CYFIP1: variants seen among roughly 807,000 people sequenced by gnomAD.
CYFIP1 encodes cytoplasmic FMR1 interacting protein 1, also known as cytoplasmic FMR1-interacting protein 1.
In CYFIP1, 58 loss-of-function variants were observed where a neutral mutation model predicts 163.5. The ratio of observed to expected loss-of-function variants is 0.35; its 90% CI spans 0.29 to 0.44. The LOEUF is 0.44. Among genes scored for constraint, CYFIP1 ranks in the 20% least tolerant of loss-of-function variants. CYFIP1 has a pLI of 1.00. For synonymous variants in CYFIP1, 663 were observed against 660.7 expected, an observed-to-expected ratio of 1.00 and a Z score of -0.05; for missense variants, 1,338 against 1,653.8, an observed-to-expected ratio of 0.81 and a Z score of 3.31.
At chr15:22,939,584 C>G in intron 6 of CYFIP1, 77 bp from the exon 7 acceptor site, 1 of 817,328 alleles carries the variant, frequency 1.2e-6, no homozygotes, top group African/African-American at 2.4e-5. Flanking sequence ...AAAAAAAAGC[C>G]TGGTTCGAGT....
intron 1 of CYFIP1, among the ~76,000 whole-genome samples, chr15:22,958,741 C>T (rs1748303301): frequency 6.6e-6 from 1 of 152,210 alleles, no homozygotes; most frequent in African/African-American, 2.4e-5. Flanking sequence ...TGTCACTCTC[C>T]TGCTCACGCT....
intron 1 of CYFIP1, among the ~76,000 whole-genome samples, chr15:22,975,932 T>C (rs2063259629): frequency 6.6e-6 from 1 of 152,132 alleles, no homozygotes; most frequent in African/African-American, 2.4e-5. Flanking sequence ...AGCATGCTAA[T>C]ATTTTTAAAT....
intron 13 of CYFIP1, among the ~76,000 whole-genome samples, chr15:22,924,001 G>C (rs1156368410): frequency 1.7e-4 from 25 of 148,140 alleles, no homozygotes; most frequent in Admixed American, 1.7e-3. Flanking sequence ...TCATAGTAGT[G>C]AAAAGGTAGA....
intron 1 of CYFIP1, among the ~76,000 whole-genome samples, chr15:22,959,319 C>T (rs996325845): frequency 6.6e-6 from 1 of 152,238 alleles, no homozygotes; most frequent in Non-Finnish European, 1.5e-5. Context: ...GACAGCGTTT[C>T]CCGCTCCACC....
rs1287484842 is a variant in CYFIP1, at chr15:22,873,554, C to A, written c.3386G>T (p.Arg1129Ile). 1.9e-6 allele frequency: 3 copies of A among 1,614,126 alleles called. No homozygotes were observed. Among genetic ancestry groups the A allele is most frequent in the African/African-American group, 2.7e-5 (2 of 74,948 alleles). The change falls in exon 29 of 31, where the codon AGA becomes ATA. Residue 1129 changes from arginine to isoleucine, a missense_variant. Physicochemically the swap from Arg to Ile is moderately conservative, Grantham distance 97. Coordinates refer to ENST00000617928, the MANE Select transcript of CYFIP1 (RefSeq NM_014608.6). ...MHVDECVEFH[R>I]LWSAMQFVYC... is the part of the protein sequence containing the mutation. ...GACAAACTGCATGGCACTCCACAGT[C>A]TGTGAAACTCCACACACTCGTCCAC... is the stretch of plus-strand genomic sequence containing the variant.
chr15:22,933,761 C>A (rs772743658), intron 10 of CYFIP1, 41 bp downstream of exon 10: 1 of 1,469,856 alleles, frequency 6.8e-7, no homozygotes, highest in Non-Finnish European at 9.5e-7. Flanking sequence ...AATGAGGACA[C>A]TGCCGAAAGC....
chr15:22,873,835 AG>A, intron 28 of CYFIP1, 106 bp from the exon 29 acceptor site: 1 of 1,037,498 alleles, frequency 9.6e-7, no homozygotes, highest in South Asian at 1.5e-5. Flanking sequence ...TCTGCTGCCT[AG>A]GCTGGAGTGC....
chr15:22,868,518 C>T lies in CYFIP1; in HGVS notation c.*1510G>A, dbSNP rs1306415401. The T allele has an allele frequency of 6.6e-6, 1 of 152,178 alleles. No homozygotes were observed. The highest frequency in any genetic ancestry group is 1.5e-5 in the Non-Finnish European group (1 of 68,038). The allele number at this position is 152,178 out of a possible 1,614,324, so 9.4% of individuals were successfully genotyped here. ...TATTCTGTAGTTTCTAAGATAAGCA[C>T]AGCTACCACCTCTAAATCTGCAGCA... On this transcript the variant is annotated 3_prime_UTR_variant, in exon 31 of 31. Transcript: ENST00000617928.
chr15:22,912,117 CAA>C lies in CYFIP1; in HGVS notation c.2082+60_2082+61del, dbSNP rs919478035. The stretch of plus-strand genomic sequence containing the variant: ...AGAAAGTTGAATACTTGGGAGAAAA[CAA>C]AAAGAGAAAGGAGATTTAATTGAAG... On this transcript the variant is annotated intron_variant, in intron 18 of 30. Coordinates refer to ENST00000617928, the MANE Select transcript of CYFIP1 (RefSeq NM_014608.6). The C allele has an allele frequency of 8.3e-6, 12 of 1,440,874 alleles. No homozygotes were observed. In the Admixed American group the frequency reaches 1.4e-4, roughly 17 times the overall value. The allele number at this position is 1,440,874 out of a possible 1,614,324, so 89.3% of individuals were successfully genotyped here. A position where few individuals can be genotyped will look rare whatever the true frequency, so the allele number is the denominator to read the frequency against.
chr15:22,969,865 A>T (rs965077366), intron 1 of CYFIP1, among the ~76,000 whole-genome samples: 4 of 152,226 alleles, frequency 2.6e-5, no homozygotes, highest in Admixed American at 1.3e-4. Context: ...CAATACTAAC[A>T]TTAGACAAGT....
intron 1 of CYFIP1, among the ~76,000 whole-genome samples, chr15:22,966,199 A>T (rs1355248240): frequency 6.6e-6 from 1 of 150,988 alleles, no homozygotes; most frequent in Non-Finnish European, 1.5e-5. Context: ...AAAAAAAAAT[A>T]CAAAATTAGC....
chr15:22,900,053 GT>G (rs2141995485), intron 22 of CYFIP1, among the ~76,000 whole-genome samples: 1 of 152,220 alleles, frequency 6.6e-6, no homozygotes, highest in African/African-American at 2.4e-5. Flanking sequence ...AAAAAGATAT[GT>G]TCAATCCTCA....
At chr15:22,885,722 G>C (rs546878075) in intron 23 of CYFIP1, among the ~76,000 whole-genome samples, 1 of 152,134 alleles carries the variant, frequency 6.6e-6, no homozygotes, top group African/African-American at 2.4e-5. Flanking sequence ...AACAGGGTGA[G>C]ACTCCATTTC....
chr15:22,971,437 C>G, intron 1 of CYFIP1, among the ~76,000 whole-genome samples: 1 of 152,114 alleles, frequency 6.6e-6, no homozygotes, highest in East Asian at 1.9e-4. Flanking sequence ...CTTTGGGAGG[C>G]CAAGGCAGGC....
intron 18 of CYFIP1, among the ~76,000 whole-genome samples, chr15:22,911,778 C>T (rs2060795766): frequency 3.3e-5 from 5 of 152,196 alleles, no homozygotes; most frequent in Admixed American, 3.3e-4. Context: ...TGTGCATACA[C>T]TAACCTGAGA....
upstream of CYFIP1, chr15:22,980,869 C>A (rs570173755): frequency 8.9e-4 from 135 of 152,404 alleles, no homozygotes; most frequent in Non-Finnish European, 1.5e-3. Flanking sequence ...GGGGACCCCC[C>A]CGGCCGGCCC....
chr15:22,962,999 T>G (rs935477496), intron 1 of CYFIP1, among the ~76,000 whole-genome samples: 26 of 152,074 alleles, frequency 1.7e-4, no homozygotes, highest in African/African-American at 5.1e-4. Context: ...GGGCAACACA[T>G]GCTCCAGCAC....
chr15:22,931,160 G>A (rs539399138), intron 11 of CYFIP1, among the ~76,000 whole-genome samples: 1 of 152,186 alleles, frequency 6.6e-6, no homozygotes, highest in Non-Finnish European at 1.5e-5. Context: ...CCACAGAGTT[G>A]TCCCCGCTAA....
At chr15:22,883,270 C>T (rs567658733) in intron 23 of CYFIP1, among the ~76,000 whole-genome samples, 1 of 152,268 alleles carries the variant, frequency 6.6e-6, no homozygotes, top group Non-Finnish European at 1.5e-5. Context: ...CGCTAGAAGC[C>T]ATTTTGAAGT....
Sources: gnomAD v4.1 joint callset for allele counts (sites outside exome capture counted in the v4.1 genomes callset) on GRCh38, gnomAD v4.1.1 for gene constraint, MANE v1.5 for transcripts, NCBI Gene and HGNC (gene_info 2026-07-23, HGNC 2026-07-21) for gene names.